The following CCSER1 variants were observed in gnomAD, a reference collection of about 807,000 sequenced individuals.
CCSER1 encodes coiled-coil serine rich protein 1.
In CCSER1, 41 loss-of-function variants were observed where a neutral mutation model predicts 82.0. The ratio of observed to expected loss-of-function variants is 0.50; its 90% CI spans 0.39 to 0.65. CCSER1 has a LOEUF of 0.65. CCSER1 is among the 30% of genes least tolerant of loss of function. The pLI is 0.00. For synonymous variants in CCSER1, 414 were observed against 383.9 expected (o/e 1.08, Z -0.92); for missense variants, 1,119 against 1,064.2 (o/e 1.05, Z -0.72).
chr4:91,051,747 A>G (rs1244275017), intron 9 of CCSER1, among the ~76,000 whole-genome samples: 1 of 152,156 alleles, frequency 6.6e-6, no homozygotes, highest in Non-Finnish European at 1.5e-5. Flanking sequence ...GCATTCACAA[A>G]GTAATATTGC....
chr4:90,742,221 C>T (rs1400362702), intron 7 of CCSER1, among the ~76,000 whole-genome samples: 1 of 152,170 alleles, frequency 6.6e-6, no homozygotes, highest in Non-Finnish European at 1.5e-5. Context: ...CCACCAGGCT[C>T]CTTCTCCAGC....
chr4:90,480,233 T>A (rs1055900322), intron 5 of CCSER1, among the ~76,000 whole-genome samples: 2 of 152,240 alleles, frequency 1.3e-5, no homozygotes, highest in African/African-American at 4.8e-5. Context: ...TGTTTGTTTT[T>A]TTCTTGTAAA....
chr4:91,550,597 A>G (rs2110222250), intron 10 of CCSER1, among the ~76,000 whole-genome samples: 1 of 152,286 alleles, frequency 6.6e-6, no homozygotes, highest in Non-Finnish European at 1.5e-5. Flanking sequence ...GGTTCAGAAA[A>G]CAGAAGTTCG....
intron 10 of CCSER1, among the ~76,000 whole-genome samples, chr4:91,560,839 G>C (rs1762621750): frequency 6.6e-6 from 1 of 151,070 alleles, no homozygotes; most frequent in Non-Finnish European, 1.5e-5. Flanking sequence ...TAATTATAAA[G>C]AACAACATAT....
chr4:90,236,479 A>G (rs1310163384), intron 1 of CCSER1, among the ~76,000 whole-genome samples: 2 of 152,052 alleles, frequency 1.3e-5, no homozygotes, highest in East Asian at 3.8e-4. Context: ...ATCAAGGACT[A>G]TTTTATTTTT....
intron 3 of CCSER1, among the ~76,000 whole-genome samples, chr4:90,343,595 G>A (rs895317630): frequency 2.0e-5 from 3 of 152,162 alleles, no homozygotes; most frequent in African/African-American, 4.8e-5. Context: ...CCAGCCTGGC[G>A]ACAGAGTGAG....
chr4:91,554,053 C>G (rs1173444236), intron 10 of CCSER1, among the ~76,000 whole-genome samples: 1 of 148,854 alleles, frequency 6.7e-6, no homozygotes, highest in Non-Finnish European at 1.5e-5. Context: ...AATGCTTTCA[C>G]TGCCTTCTGT....
chr4:91,394,251 T>C (rs1486816030), intron 10 of CCSER1, among the ~76,000 whole-genome samples: 1 of 151,968 alleles, frequency 6.6e-6, no homozygotes, highest in Non-Finnish European at 1.5e-5. Flanking sequence ...TAGTAAAAAA[T>C]TAAATATTAT....
chr4:90,414,826 C>G (rs1056518128), intron 4 of CCSER1, among the ~76,000 whole-genome samples: 2 of 152,066 alleles, frequency 1.3e-5, no homozygotes, highest in Non-Finnish European at 2.9e-5. Flanking sequence ...ATGTTATGAA[C>G]TATACAATTT....
chr4:90,933,107 T>C (rs1279873427), intron 9 of CCSER1, among the ~76,000 whole-genome samples: 1 of 145,258 alleles, frequency 6.9e-6, no homozygotes. Context: ...AAAGAAACAA[T>C]GTTGTTCCAA....
At chr4:90,273,538 T>C (rs1326131325) in intron 1 of CCSER1, among the ~76,000 whole-genome samples, 6 of 152,132 alleles carry the variant, frequency 3.9e-5, no homozygotes, top group Non-Finnish European at 8.8e-5. Flanking sequence ...TCAGAAACAT[T>C]TTCTTTTAGA....
At chr4:91,209,765 T>C (rs1020737346) in intron 10 of CCSER1, among the ~76,000 whole-genome samples, 1 of 151,894 alleles carries the variant, frequency 6.6e-6, no homozygotes, top group African/African-American at 2.4e-5. Context: ...GAGCTCATTA[T>C]TGGTCTGTTC....
chr4:90,775,012 C>T (rs146395263), intron 7 of CCSER1, among the ~76,000 whole-genome samples: 1,887 of 152,176 alleles, frequency 0.012, 40 homozygotes, highest in African/African-American at 0.043. Context: ...AAATGTGTAA[C>T]GTCTAAACTC....
intron 10 of CCSER1, among the ~76,000 whole-genome samples, chr4:91,565,531 C>T (rs774927102): frequency 1.3e-5 from 2 of 151,934 alleles, no homozygotes; most frequent in African/African-American, 4.8e-5. Context: ...CTATTTATGA[C>T]CATGGGATTT....
intron 9 of CCSER1, among the ~76,000 whole-genome samples, chr4:90,975,232 G>A (rs910402120): frequency 1.3e-5 from 2 of 151,264 alleles, no homozygotes; most frequent in African/African-American, 2.4e-5. Flanking sequence ...GGAAATGAGT[G>A]CTGATGGGTA....
chr4:90,845,557 G>T (rs1763125788), intron 8 of CCSER1, among the ~76,000 whole-genome samples: 1 of 151,950 alleles, frequency 6.6e-6, no homozygotes, highest in Non-Finnish European at 1.5e-5. Flanking sequence ...TCCCTGTCCT[G>T]TTAAAACTAT....
At chr4:90,668,088 A>G (rs74428665) in intron 6 of CCSER1, among the ~76,000 whole-genome samples, 4,285 of 152,258 alleles carry the variant, frequency 0.028, 191 homozygotes, top group African/African-American at 0.098. Flanking sequence ...AAAGATGCCA[A>G]TCCTGGTAAT....
In CCSER1 at chr4:91,183,714, T is replaced by A. The variant is rs1439583679; in HGVS notation, c.2217+97720T>A. 2.6e-5 allele frequency among the ~76,000 whole-genome samples: 4 copies of A among 152,208 alleles called. No individual in the cohort carries two copies. In the East Asian group the frequency reaches 7.7e-4, roughly 29 times the overall value. On this transcript the variant is annotated intron_variant, in intron 10 of 10. Coordinates refer to ENST00000509176, the MANE Select transcript of CCSER1 (RefSeq NM_001145065.2). The stretch of plus-strand genomic sequence containing the variant: ...TTGGACAATAACACCAGTAGGTGAA[T>A]GCTGAGTTGAAAAAATTAGCAAATC...
At chr4:90,313,562 G>T (rs72879776) in intron 3 of CCSER1, among the ~76,000 whole-genome samples, 1 of 152,070 alleles carries the variant, frequency 6.6e-6, no homozygotes, top group Non-Finnish European at 1.5e-5. Flanking sequence ...GCATACATTG[G>T]AGGTAATCAA....
Sources: gnomAD v4.1 joint callset for allele counts (sites outside exome capture counted in the v4.1 genomes callset) on GRCh38, gnomAD v4.1.1 for gene constraint, MANE v1.5 for transcripts, NCBI Gene and HGNC (gene_info 2026-07-23, HGNC 2026-07-21) for gene names.